Variants in DACH2 observed in about 807,000 individuals in gnomAD.
The protein encoded by DACH2 is dachshund homolog 2.
DACH2 carries 17 observed loss-of-function variants against 35.8 expected under a neutral mutation model. That is an observed-to-expected ratio of 0.48 (90% CI 0.33 to 0.71). DACH2 has a LOEUF of 0.71. Ranked by LOEUF, DACH2 falls within the 30% of genes least tolerant of loss-of-function variation. DACH2 has a pLI of 0.02. For synonymous variants in DACH2, 195 were observed against 177.3 expected (o/e 1.10, Z -0.79); for missense variants, 469 against 472.7 (o/e 0.99, Z 0.07).
rs746321715 is a variant in DACH2, at chrX:86,282,774, C to CTTTT, written c.489-94032_489-94029dup. Among the ~76,000 whole-genome samples the CTTTT allele has an allele frequency of 2.1e-4, 8 of 37,719 alleles. 1 individual carries two copies. In the African/African-American group the frequency reaches 2.1e-3, roughly 10 times the overall value. The allele number at this position is 37,719 out of a possible 115,157, so 32.8% of individuals were successfully genotyped here. On this transcript the variant is annotated intron_variant, in intron 1 of 11. Coordinates refer to ENST00000373125, the MANE Select transcript of DACH2 (RefSeq NM_053281.3). ...GGGCAAATGCTATGAACAGACACTT[C>CTTTT]TTTTTTTTTTTTTTTTTTTTTGAGA...
chrX:86,323,809 G>A (rs769838462), intron 1 of DACH2, among the ~76,000 whole-genome samples: 2 of 111,733 alleles, frequency 1.8e-5, no homozygotes, highest in Non-Finnish European at 3.8e-5. Context: ...GGGTACTGGG[G>A]GATTGACTAA....
At chrX:86,556,804 A>AGAGG (rs1443521230) in intron 3 of DACH2, among the ~76,000 whole-genome samples, 3 of 83,153 alleles carry the variant, frequency 3.6e-5, no homozygotes, top group Non-Finnish European at 6.8e-5. Context: ...ATAGAGAGAG[A>AGAGG]GAGAGAGAGA....
intron 3 of DACH2, among the ~76,000 whole-genome samples, chrX:86,529,809 C>T (rs1001174206): frequency 1.1e-4 from 12 of 111,009 alleles, no homozygotes; most frequent in Admixed American, 8.7e-4. Flanking sequence ...TGAGTGAGAA[C>T]ATGTGATGTT....
intron 1 of DACH2, among the ~76,000 whole-genome samples, chrX:86,361,714 T>C (rs2035742016): frequency 9.0e-6 from 1 of 111,692 alleles, no homozygotes; most frequent in Non-Finnish European, 1.9e-5. Flanking sequence ...TTTTGTAAAA[T>C]ATCTTAACAT....
At chrX:86,743,226 T>C (rs1386747646) in intron 7 of DACH2, among the ~76,000 whole-genome samples, 2 of 111,401 alleles carry the variant, frequency 1.8e-5, no homozygotes, top group African/African-American at 6.5e-5. Flanking sequence ...CTGATAGATA[T>C]GATCTCAACC....
At chrX:86,507,985 G>A (rs2038348839) in intron 2 of DACH2, among the ~76,000 whole-genome samples, 1 of 111,480 alleles carries the variant, frequency 9.0e-6, no homozygotes, top group Non-Finnish European at 1.9e-5. Flanking sequence ...AGAGGACAAG[G>A]AGAGAAGTTT....
chrX:86,787,878 GAGA>G (rs1485219966), intron 7 of DACH2, among the ~76,000 whole-genome samples: 19 of 111,611 alleles, frequency 1.7e-4, no homozygotes, highest in African/African-American at 4.2e-4. Context: ...GCAAGTTTTA[GAGA>G]AGAAGTGAAA....
intron 1 of DACH2, among the ~76,000 whole-genome samples, chrX:86,284,465 C>A (rs1025526455): frequency 1.3e-4 from 14 of 111,163 alleles, no homozygotes; most frequent in Non-Finnish European, 2.6e-4. Context: ...TGATCTTTTA[C>A]GTTTATTGTT....
rs764818264 is a variant in DACH2, at chrX:86,500,710, G to A, written c.528-13569G>A. Among the ~76,000 whole-genome samples the A allele has an allele frequency of 1.8e-3, 202 of 111,734 alleles. 1 individual carries two copies. Among genetic ancestry groups the A allele is most frequent in the African/African-American group, 6.1e-3 (189 of 30,796 alleles). ...AATTAGCAAAAGGGAAGCACCTGGA[G>A]TGTGGAGGAAGCGACTCTAAGATTA... On this transcript the variant is annotated intron_variant, in intron 2 of 11. Coordinates refer to ENST00000373125, the MANE Select transcript of DACH2 (RefSeq NM_053281.3).
intron 1 of DACH2, among the ~76,000 whole-genome samples, chrX:86,256,967 C>T (rs1033964826): frequency 9.0e-6 from 1 of 111,619 alleles, no homozygotes; most frequent in African/African-American, 3.3e-5. Context: ...ATTGCATTAC[C>T]TTTCTTCATT....
intron 7 of DACH2, among the ~76,000 whole-genome samples, chrX:86,752,439 A>G (rs1341446033): frequency 2.7e-5 from 3 of 111,566 alleles, no homozygotes; most frequent in Non-Finnish European, 5.6e-5. Context: ...ATACCTTGAC[A>G]TAGGCTTATT....
chrX:86,392,456 A>G (rs2036219507), intron 2 of DACH2, among the ~76,000 whole-genome samples: 1 of 111,823 alleles, frequency 8.9e-6, no homozygotes, highest in African/African-American at 3.2e-5. Flanking sequence ...AAATTACTCA[A>G]TTACTCGTGG....
intron 1 of DACH2, among the ~76,000 whole-genome samples, chrX:86,278,940 G>T: frequency 8.9e-6 from 1 of 111,961 alleles, no homozygotes; most frequent in Non-Finnish European, 1.9e-5. Context: ...GTTTGAAGTG[G>T]GCGGAGCACA....
intron 2 of DACH2, among the ~76,000 whole-genome samples, chrX:86,425,100 A>C (rs1767132961): frequency 9.0e-6 from 1 of 111,000 alleles, no homozygotes; most frequent in Admixed American, 9.6e-5. Context: ...GGATTTTTGC[A>C]TCACGATTCA....
At chrX:86,809,452 A>G (rs2042374870) in intron 7 of DACH2, among the ~76,000 whole-genome samples, 1 of 111,157 alleles carries the variant, frequency 9.0e-6, no homozygotes, top group Admixed American at 9.6e-5. Context: ...ATATATTACA[A>G]GATTGAAATT....
intron 1 of DACH2, among the ~76,000 whole-genome samples, chrX:86,350,030 T>G (rs983171170): frequency 1.2e-4 from 13 of 111,113 alleles, no homozygotes; most frequent in African/African-American, 4.3e-4. Context: ...TAGCCGTGCC[T>G]GATGGCGCAT....
chrX:86,560,820 A>C (rs1602647030), intron 3 of DACH2, among the ~76,000 whole-genome samples: 1 of 16,043 alleles, frequency 6.2e-5, no homozygotes, highest in East Asian at 1.6e-3. Flanking sequence ...AGGCATTACC[A>C]TTCAGGACAT....
intron 2 of DACH2, among the ~76,000 whole-genome samples, chrX:86,462,670 A>G (rs1198444007): frequency 9.0e-6 from 1 of 111,541 alleles, no homozygotes; most frequent in African/African-American, 3.3e-5. Flanking sequence ...TGCCCTGCTC[A>G]TTCTTCAGAG....
At chrX:86,222,686 A>G (rs1303389026) in intron 1 of DACH2, among the ~76,000 whole-genome samples, 1 of 110,782 alleles carries the variant, frequency 9.0e-6, no homozygotes, top group African/African-American at 3.3e-5. Flanking sequence ...TAATTTCACA[A>G]TTTACACCAG....
Sources: gnomAD v4.1 joint callset for allele counts (sites outside exome capture counted in the v4.1 genomes callset) on GRCh38, gnomAD v4.1.1 for gene constraint, MANE v1.5 for transcripts, NCBI Gene and HGNC (gene_info 2026-07-23, HGNC 2026-07-21) for gene names.